WDFY4: variants seen among roughly 807,000 people sequenced by gnomAD.
WDFY4 encodes WDFY family member 4.
WDFY4 carries 169 observed loss-of-function variants against 351.9 expected under a neutral mutation model. The ratio of observed to expected loss-of-function variants is 0.48; its 90% CI spans 0.42 to 0.55. The LOEUF (loss-of-function observed/expected upper bound fraction) is 0.55, where lower values mean the gene tolerates loss of function less well. Among genes scored for constraint, WDFY4 ranks in the 20% least tolerant of loss-of-function variants. The probability of loss-of-function intolerance (pLI) is 0.00; values close to 1 mark genes in which losing one functional copy is unlikely to be tolerated. For synonymous variants in WDFY4, 1,622 were observed against 1,574.6 expected, an observed-to-expected ratio of 1.03 and a Z score of -0.71; for missense variants, 3,803 against 3,935.6, an observed-to-expected ratio of 0.97 and a Z score of 0.90.
chr10:48,860,195 T>G (rs924571774), intron 39 of WDFY4, among the ~76,000 whole-genome samples: 5 of 152,262 alleles, frequency 3.3e-5, no homozygotes, highest in African/African-American at 1.2e-4. Flanking sequence ...TTTCTGCTCT[T>G]TATTATGACC....
At chr10:48,736,161 A>C in intron 11 of WDFY4, 91 bp downstream of exon 11, 1 of 1,456,490 alleles carries the variant, frequency 6.9e-7, no homozygotes, top group Admixed American at 2.0e-5. Flanking sequence ...CATGTAATTC[A>C]GTTAGCCACT....
intron 1 of WDFY4, among the ~76,000 whole-genome samples, chr10:48,697,769 A>G (rs2063369989): frequency 6.6e-6 from 1 of 151,920 alleles, no homozygotes; most frequent in Admixed American, 6.6e-5. Flanking sequence ...TTCCTGGGCC[A>G]TTTTCCTGCT....
intron 53 of WDFY4, among the ~76,000 whole-genome samples, chr10:48,962,601 C>T (rs1483454785): frequency 6.6e-6 from 1 of 152,220 alleles, no homozygotes; most frequent in Non-Finnish European, 1.5e-5. Flanking sequence ...CAGTGCCACC[C>T]ATCTGGGCTC....
intron 24 of WDFY4, chr10:48,802,701 T>G (rs139763873): frequency 4.2e-6 from 2 of 471,232 alleles, no homozygotes; most frequent in African/African-American, 4.0e-5. Context: ...TCAGTGAATT[T>G]CATATCTTTG....
intron 28 of WDFY4, 25 bp from the exon 29 acceptor site, chr10:48,810,505 A>G (rs2067410279): frequency 1.2e-5 from 18 of 1,544,812 alleles, no homozygotes; most frequent in Non-Finnish European, 1.5e-5. Context: ...CTGAGAGAAC[A>G]TTGGTTGCAT....
chr10:48,897,045 T>A (rs1035340063), intron 44 of WDFY4, among the ~76,000 whole-genome samples: 4 of 152,204 alleles, frequency 2.6e-5, no homozygotes, highest in African/African-American at 9.6e-5. Context: ...CTCCTGGGCA[T>A]GGTTTACAGT....
chr10:48,840,537 A>C (rs1479316139), intron 39 of WDFY4, among the ~76,000 whole-genome samples: 1 of 152,060 alleles, frequency 6.6e-6, no homozygotes, highest in Non-Finnish European at 1.5e-5. Flanking sequence ...ACCCACACAC[A>C]CATAGACACA....
intron 60 of WDFY4, among the ~76,000 whole-genome samples, chr10:48,979,318 G>A (rs1306147756): frequency 6.6e-6 from 1 of 152,148 alleles, no homozygotes; most frequent in Non-Finnish European, 1.5e-5. Flanking sequence ...GCACATCTTT[G>A]GAAAGCAGAG....
chr10:48,738,856 C>G (rs1275574692), intron 11 of WDFY4, among the ~76,000 whole-genome samples: 1 of 152,182 alleles, frequency 6.6e-6, no homozygotes, highest in East Asian at 1.9e-4. Context: ...GAAGGGCATT[C>G]ACAGCATGCC....
rs1565199121 is a variant in WDFY4, at chr10:48,787,945, CT to C, written c.3809-583del. 5.1e-3 allele frequency among the ~76,000 whole-genome samples: 526 copies of C among 104,074 alleles called. 14 individuals carry two copies. The highest frequency in any genetic ancestry group is 0.016 in the Admixed American group (143 of 8,876). The allele number at this position is 104,074 out of a possible 152,430, so 68.3% of individuals were successfully genotyped here. A position where few individuals can be genotyped will look rare whatever the true frequency, so the allele number is the denominator to read the frequency against. On this transcript the variant is annotated intron_variant, in intron 20 of 61. Coordinates refer to ENST00000325239, the MANE Select transcript of WDFY4 (RefSeq NM_001394531.1). ...TCTTCTTCTTCTTCTTCTTCTTCTT[CT>C]TCTTCTTCTTCTTCTTCTTCTTCTT...
At chr10:48,944,978 GC>G (rs1307458797) in intron 49 of WDFY4, among the ~76,000 whole-genome samples, 1 of 152,146 alleles carries the variant, frequency 6.6e-6, no homozygotes, top group Non-Finnish European at 1.5e-5. Context: ...CTTAAGAGGG[GC>G]CATTTCACTC....
At chr10:48,706,119 A>G (rs973444301) in intron 1 of WDFY4, among the ~76,000 whole-genome samples, 14 of 152,368 alleles carry the variant, frequency 9.2e-5, no homozygotes, top group African/African-American at 3.4e-4. Flanking sequence ...AACTTGTTCC[A>G]AAGAGGGGTC....
rs540586814 is a variant in WDFY4, at chr10:48,753,387, C to T, written c.2460-6960C>T. 4.6e-5 allele frequency among the ~76,000 whole-genome samples: 7 copies of T among 152,198 alleles called. No individual in the cohort carries two copies. The East Asian group carries it at 1.3e-3, about 29-fold the overall frequency. ...TCAGTTTTGATGAAGTCCAGTTTATCCATTTTTTCTTCTGTTACTTGTGCT... is the reference window on the plus strand; with the variant it reads ...TCAGTTTTGATGAAGTCCAGTTTATTCATTTTTTCTTCTGTTACTTGTGCT... On this transcript the variant is annotated intron_variant, in intron 12 of 61. Coordinates refer to ENST00000325239, the MANE Select transcript of WDFY4 (RefSeq NM_001394531.1).
chr10:48,806,018 T>C lies in WDFY4; in HGVS notation c.4661T>C (p.Val1554Ala), dbSNP rs370926206. Residue 1554 changes from valine to alanine, a missense_variant, in exon 27 of 62, where the codon GTT becomes GCT. By Grantham distance (64) the Val-to-Ala change is moderately conservative. Coordinates refer to ENST00000325239, the MANE Select transcript of WDFY4 (RefSeq NM_001394531.1). ...TGTGTATAAAGGATTGGGCTGTTTG[T>C]TGTGTACACCCTCAAGCCTTCGTCG... The part of the protein sequence containing the change: ...TQDLLRIGLF[V>A]VYTLKPSSVN... 1 of 1,551,720 alleles carries C rather than the reference T, an allele frequency of 6.4e-7. No individual in the cohort carries two copies. The highest frequency in any genetic ancestry group is 1.2e-5 in the South Asian group (1 of 84,064).
At chr10:48,964,885 G>A (rs1842010103) in intron 54 of WDFY4, among the ~76,000 whole-genome samples, 1 of 152,190 alleles carries the variant, frequency 6.6e-6, no homozygotes, top group African/African-American at 2.4e-5. Flanking sequence ...TCGGGGTGGG[G>A]AGGGGCTCCT....
chr10:48,900,129 C>T, intron 45 of WDFY4, 92 bp from the exon 46 acceptor site: 2 of 1,108,156 alleles, frequency 1.8e-6, no homozygotes, highest in Admixed American at 4.9e-5. Flanking sequence ...GACACGGAGA[C>T]CCGCAATGAC....
chr10:48,867,967 G>A (rs1336410832), intron 40 of WDFY4, among the ~76,000 whole-genome samples: 1 of 152,166 alleles, frequency 6.6e-6, no homozygotes. Context: ...GAAACTTGTA[G>A]ATGAAACCCA....
chr10:48,900,373 A>C (rs1195260500), intron 46 of WDFY4, 67 bp downstream of exon 46: 1 of 1,408,250 alleles, frequency 7.1e-7, no homozygotes. Flanking sequence ...GGCAGAGAAC[A>C]CTCAGCTCTG....
intron 4 of WDFY4, among the ~76,000 whole-genome samples, chr10:48,722,129 G>C (rs1359425976): frequency 6.6e-6 from 1 of 152,228 alleles, no homozygotes; most frequent in Non-Finnish European, 1.5e-5. Flanking sequence ...GCCGTGCTTG[G>C]AAGGGTGATA....
Sources: gnomAD v4.1 joint callset for allele counts (sites outside exome capture counted in the v4.1 genomes callset) on GRCh38, gnomAD v4.1.1 for gene constraint, MANE v1.5 for transcripts, NCBI Gene and HGNC (gene_info 2026-07-23, HGNC 2026-07-21) for gene names.